PRELID2: variants seen among roughly 807,000 people sequenced by gnomAD.
The protein encoded by PRELID2 is PRELI domain-containing protein 2.
In PRELID2, 25 loss-of-function variants were observed where a neutral mutation model predicts 28.4. The observed-to-expected ratio is 0.88, with a 90% CI of 0.64 to 1.23. The LOEUF (loss-of-function observed/expected upper bound fraction) is 1.23, where lower values mean the gene tolerates loss of function less well. PRELID2 is among the 50% of genes most tolerant of loss of function. The probability of loss-of-function intolerance (pLI) is 0.00; values close to 1 mark genes in which losing one functional copy is unlikely to be tolerated. For missense variants in PRELID2, 201 were observed against 214.4 expected (o/e 0.94, Z 0.39); for synonymous variants, 76 against 71.6 (o/e 1.06, Z -0.31).
At chr5:145,572,117 T>C (rs1160200392) in intron 1 of PRELID2, among the ~76,000 whole-genome samples, 1 of 152,228 alleles carries the variant, frequency 6.6e-6, no homozygotes, top group Non-Finnish European at 1.5e-5. Flanking sequence ...ACACACTCTC[T>C]TCTATGGATT....
At chr5:145,626,870 C>T (rs1041541571) in intron 1 of PRELID2, among the ~76,000 whole-genome samples, 16 of 151,728 alleles carry the variant, frequency 1.1e-4, no homozygotes, top group African/African-American at 3.9e-4. Flanking sequence ...GAGGCCAAGG[C>T]GGGTGGATCA....
chr5:145,470,869 A>T (rs181913919), downstream of PRELID2, among the ~76,000 whole-genome samples: 6 of 152,204 alleles, frequency 3.9e-5, no homozygotes, highest in Admixed American at 3.9e-4. Context: ...TCAAGTCAAA[A>T]CAGCAGCTTG....
intron 1 of PRELID2, among the ~76,000 whole-genome samples, chr5:145,600,200 T>C (rs556305685): frequency 2.0e-5 from 3 of 150,888 alleles, no homozygotes; most frequent in Non-Finnish European, 4.4e-5. Flanking sequence ...GGACCATCAA[T>C]GAAGTAGAAT....
At chr5:145,711,688 C>T (rs980717098) in intron 1 of PRELID2, among the ~76,000 whole-genome samples, 6 of 151,874 alleles carry the variant, frequency 4.0e-5, no homozygotes, top group African/African-American at 1.5e-4. Context: ...TGAGAGAATC[C>T]CTCCAATGCA....
chr5:145,809,301 C>T (rs1401198062), intron 4 of PRELID2, among the ~76,000 whole-genome samples: 1 of 152,224 alleles, frequency 6.6e-6, no homozygotes, highest in Non-Finnish European at 1.5e-5. Context: ...CTTAGCCTCC[C>T]AAAGTGCCGG....
chr5:145,494,626 TA>T (rs750614747), intron 1 of PRELID2, among the ~76,000 whole-genome samples: 1 of 151,712 alleles, frequency 6.6e-6, no homozygotes, highest in South Asian at 2.1e-4. Context: ...TGTAACAGGT[TA>T]AAAAAAATAA....
the PRELID2 span, among the ~76,000 whole-genome samples, chr5:145,241,893 G>A: frequency 4.0e-5 from 6 of 151,746 alleles, no homozygotes; most frequent in Non-Finnish European, 8.8e-5. Flanking sequence ...GAAAATCCAG[G>A]AGGAAACATT....
rs910808571 is a variant in PRELID2, at chr5:145,756,604, G to T, written c.*3932C>A. ...TTTCTAGCAATATCTCACTTGCCGC[G>T]AGTTCACAAATATGACAACTGCAGA... On this transcript the variant is annotated 3_prime_UTR_variant, in exon 7 of 7. Transcript: ENST00000683046. 6.6e-6 allele frequency among the ~76,000 whole-genome samples: 1 copy of T among 152,148 alleles called. No homozygotes were observed. Among genetic ancestry groups the T allele is most frequent in the Non-Finnish European group, 1.5e-5 (1 of 68,026 alleles).
intron 1 of PRELID2, among the ~76,000 whole-genome samples, chr5:145,546,239 T>C (rs1163859626): frequency 6.6e-6 from 1 of 152,190 alleles, no homozygotes; most frequent in Non-Finnish European, 1.5e-5. Context: ...AAAAAATGAT[T>C]TCTCTGAAAA....
intron 5 of PRELID2, among the ~76,000 whole-genome samples, chr5:145,766,083 A>G (rs981853323): frequency 8.5e-5 from 13 of 152,166 alleles, no homozygotes; most frequent in African/African-American, 2.9e-4. Flanking sequence ...TTTCCTCCTT[A>G]AAGGACAAGT....
chr5:145,815,659 C>T (rs1200110180), intron 4 of PRELID2, among the ~76,000 whole-genome samples: 2 of 152,312 alleles, frequency 1.3e-5, no homozygotes, highest in South Asian at 2.1e-4. Context: ...TGGACCCATA[C>T]AATATGTGGC....
intron 4 of PRELID2, among the ~76,000 whole-genome samples, chr5:145,812,768 T>G (rs1242045044): frequency 6.6e-6 from 1 of 152,186 alleles, no homozygotes; most frequent in Non-Finnish European, 1.5e-5. Context: ...GAGAGTCAGA[T>G]GAGTGAGAAA....
At chr5:145,352,492 C>A in the PRELID2 span, among the ~76,000 whole-genome samples, 4 of 152,118 alleles carry the variant, frequency 2.6e-5, no homozygotes, top group East Asian at 3.9e-4. Flanking sequence ...GAGAAGGAAG[C>A]CCCTGGGTCC....
chr5:145,297,819 C>T, the PRELID2 span, among the ~76,000 whole-genome samples: 45 of 151,986 alleles, frequency 3.0e-4, no homozygotes, highest in African/African-American at 1.1e-3. Flanking sequence ...TTCTTATACA[C>T]CAATAACAGA....
chr5:145,242,882 A>G, the PRELID2 span, among the ~76,000 whole-genome samples: 1 of 152,098 alleles, frequency 6.6e-6, no homozygotes, highest in African/African-American at 2.4e-5. Context: ...TAGTGGTATG[A>G]TTTAACCACC....
At chr5:145,493,298 G>T (rs142515604) in intron 1 of PRELID2, among the ~76,000 whole-genome samples, 1 of 152,150 alleles carries the variant, frequency 6.6e-6, no homozygotes, top group Non-Finnish European at 1.5e-5. Flanking sequence ...GATCATTTCA[G>T]GCCCACATCT....
chr5:145,327,915 T>A, the PRELID2 span, among the ~76,000 whole-genome samples: 1 of 152,156 alleles, frequency 6.6e-6, no homozygotes, highest in East Asian at 1.9e-4. Context: ...GTATTACTCC[T>A]AATGCTATCC....
At chr5:145,341,272 A>T in the PRELID2 span, among the ~76,000 whole-genome samples, 5 of 152,188 alleles carry the variant, frequency 3.3e-5, no homozygotes, top group South Asian at 2.1e-4. Context: ...AGAAATTTTT[A>T]AAATCTCAGA....
At chr5:145,518,012 C>T (rs532510446) in intron 1 of PRELID2, among the ~76,000 whole-genome samples, 6 of 151,772 alleles carry the variant, frequency 4.0e-5, no homozygotes, top group East Asian at 1.9e-4. Context: ...GCTAGGGGAC[C>T]GATAGCATTA....
Sources: allele counts gnomAD v4.1 joint callset (sites outside exome capture counted in the v4.1 genomes callset), GRCh38; gene constraint gnomAD v4.1.1; transcripts MANE v1.5; gene names NCBI Gene and HGNC (gene_info 2026-07-23, HGNC 2026-07-21).